The following AKNA variants were observed in gnomAD, a reference collection of about 807,000 sequenced individuals.
AKNA encodes AT-hook transcription factor, also known as microtubule organization protein AKNA.
Under a neutral mutation model 138.8 loss-of-function variants are expected in AKNA, and 67 were observed. The observed-to-expected ratio is 0.48, with a 90% confidence interval of 0.40 to 0.59. The LOEUF (loss-of-function observed/expected upper bound fraction) is 0.59. AKNA is among the 20% of genes least tolerant of loss of function. The pLI is 0.00. For missense variants in AKNA, 1,813 were observed against 1,880.4 expected (o/e 0.96, Z 0.66); for synonymous variants, 737 against 754.4 (o/e 0.98, Z 0.38).
rs1379625073 is a variant in AKNA at position 114,383,904 on chromosome 9, T to TCCCCGCCCAGTCTTCCTCTCTAC, written c.-113-2481_-113-2459dup. Among the ~76,000 whole-genome samples, 34 of 152,174 alleles carry TCCCCGCCCAGTCTTCCTCTCTAC rather than the reference T, an allele frequency of 2.2e-4. No homozygotes were observed. The East Asian group carries it at 6.0e-3, about 27-fold the overall frequency. The stretch of plus-strand genomic sequence containing the variant: ...GGGTGTTCGGGGCTTCTATCCTCTG[T>TCCCCGCCCAGTCTTCCTCTCTAC]CCCCGCCCAGTCTTCCTCTCTACCC... On this transcript the variant is annotated intron_variant, in intron 1 of 21. Coordinates refer to ENST00000374088, the MANE Select transcript of AKNA (RefSeq NM_001317950.2).
intron 7 of AKNA, among the ~76,000 whole-genome samples, chr9:114,363,752 G>A (rs1832139111): frequency 6.6e-6 from 1 of 152,114 alleles, no homozygotes; most frequent in South Asian, 2.1e-4. Context: ...TGGGAAGAGA[G>A]AGACTTGAGA....
chr9:114,373,970 G>A, intron 4 of AKNA, 123 bp downstream of exon 4: 1 of 998,062 alleles, frequency 1.0e-6, no homozygotes, highest in South Asian at 1.6e-5. Context: ...AAGAAAACTG[G>A]CGTTCCACTA....
intron 1 of AKNA, among the ~76,000 whole-genome samples, chr9:114,386,863 C>T (rs556069889): frequency 6.6e-6 from 1 of 152,240 alleles, no homozygotes; most frequent in East Asian, 1.9e-4. Context: ...CCAGGCTCTC[C>T]TTTGCCAGCA....
chr9:114,349,731 C>T (rs1830973431), intron 15 of AKNA, among the ~76,000 whole-genome samples: 1 of 152,196 alleles, frequency 6.6e-6, no homozygotes, highest in African/African-American at 2.4e-5. Context: ...CCATAGGTCT[C>T]TCCTCTCTAC....
At position 114,364,608 on chromosome 9, in the gene AKNA, A is replaced by G; in HGVS notation, c.1740T>C (p.Phe580=). 6.2e-7 allele frequency: 1 copy of G among 1,613,982 alleles called. No homozygotes were observed. Among genetic ancestry groups the G allele is most frequent in the Non-Finnish European group, 8.5e-7 (1 of 1,180,018 alleles). The stretch of plus-strand genomic sequence containing the variant: ...GACGTCCTGCCTGTATCAGTCTTTC[A>G]AAGGACTCCACCTGGACATTGGGAG... The part of the protein sequence containing the change: ...ASQFLAKVES[F]ERLIQAGRLM... The change falls in exon 7 of 22, where the codon TTT becomes TTC. Residue 580 remains phenylalanine (F), a synonymous_variant. Coordinates refer to ENST00000374088, the MANE Select transcript of AKNA (RefSeq NM_001317950.2).
chr9:114,359,714 C>G lies in AKNA; in HGVS notation c.2372G>C (p.Gly791Ala), dbSNP rs769970407. 5 of 1,610,230 alleles carry G rather than the reference C, an allele frequency of 3.1e-6. No homozygotes were observed. The highest frequency in any genetic ancestry group is 4.2e-6 in the Non-Finnish European group (5 of 1,177,876). ...EEGEEEEEEEGGGDSLEVDGV... is the reference protein window; with the variant it reads ...EEGEEEEEEEAGGDSLEVDGV... ...ATCAACTTCCAGGGAGTCACCTCCC[C>G]CCTCTTCCTCCTCCTCCTCCTCTCC... Residue 791 changes from glycine (G) to alanine (A), a missense_variant, in exon 11 of 22, where the codon GGG becomes GCG. Gly to Ala is a moderately conservative substitution (Grantham distance 60, BLOSUM62 0). Coordinates refer to ENST00000374088, the MANE Select transcript of AKNA (RefSeq NM_001317950.2).
rs1833266445 is a variant in AKNA at position 114,376,918 on chromosome 9, A to G, written c.889T>C (p.Trp297Arg). Reference sequence around the variant, plus strand: ...TTAGGTGACGTCTTTGTCTGCTTCCAGATGTGTTCCTTGGGCTGAGGGCAG... The same window carrying G: ...TTAGGTGACGTCTTTGTCTGCTTCCGGATGTGTTCCTTGGGCTGAGGGCAG... Reference protein sequence around the residue: ...FFCPQPKEHIWKQTKTSPKPL... With the variant: ...FFCPQPKEHIRKQTKTSPKPL... The change falls in exon 3 of 22, where the codon TGG (tryptophan) becomes CGG (arginine). Residue 297 changes from tryptophan (W) to arginine (R), a missense_variant. Transcript: ENST00000374088. The G allele has an allele frequency of 6.2e-7, 1 of 1,614,084 alleles. No homozygotes were observed. Among genetic ancestry groups the G allele is most frequent in the African/African-American group, 1.3e-5 (1 of 74,948 alleles).
chr9:114,339,050 T>C (rs1284199853), intron 21 of AKNA, among the ~76,000 whole-genome samples: 1 of 152,164 alleles, frequency 6.6e-6, no homozygotes, highest in Non-Finnish European at 1.5e-5. Flanking sequence ...CTCCTCAAAT[T>C]ACGATGGGGT....
At chr9:114,368,362 G>A in intron 5 of AKNA, 77 bp downstream of exon 5, 1 of 1,297,534 alleles carries the variant, frequency 7.7e-7, no homozygotes, top group Non-Finnish European at 9.8e-7. Flanking sequence ...CCATCCCCAG[G>A]GTGAACCAAG....
chr9:114,358,236 T>G, intron 11 of AKNA, 69 bp from the exon 12 acceptor site: 10 of 1,598,842 alleles, frequency 6.3e-6, no homozygotes, highest in Non-Finnish European at 8.5e-6. Context: ...TGGCCTGTCC[T>G]GGGAGCCAAG....
At chr9:114,347,667 A>C (rs1478106732) in intron 16 of AKNA, 57 bp downstream of exon 16, 5 of 1,455,480 alleles carry the variant, frequency 3.4e-6, no homozygotes, top group Non-Finnish European at 4.5e-6. Flanking sequence ...GAGGCCAGCC[A>C]AGACTATCTT....
In AKNA at chr9:114,347,749, C is replaced by T. The variant is rs747494693; in HGVS notation, c.3373G>A (p.Ala1125Thr). The change falls in exon 16 of 22, where the codon GCC becomes ACC. Residue 1125 changes from alanine to threonine, a missense_variant. Physicochemically the swap from Ala to Thr is moderately conservative, Grantham distance 58 (BLOSUM62 0). Transcript: ENST00000374088. The stretch of plus-strand genomic sequence containing the variant: ...CTGCCATAATGGGAGCCCCAGGTGG[C>T]TGGGGAGTCTGCTGGCCGGCCGCGG... ...RTRGRPADSP[A>T]TWGSHYGSKS... The T allele has an allele frequency of 3.6e-4, 547 of 1,537,486 alleles. No homozygotes were observed. The highest frequency in any genetic ancestry group is 9.3e-4 in the South Asian group (77 of 82,760).
chr9:114,372,182 G>A (rs771036061), intron 4 of AKNA, among the ~76,000 whole-genome samples: 3 of 152,206 alleles, frequency 2.0e-5, no homozygotes, highest in Non-Finnish European at 4.4e-5. Flanking sequence ...GAGGGGTTGG[G>A]GGAGGGAGCA....
intron 14 of AKNA, among the ~76,000 whole-genome samples, chr9:114,353,227 C>T (rs964246381): frequency 5.3e-5 from 8 of 151,418 alleles, no homozygotes; most frequent in Admixed American, 2.0e-4. Context: ...AAGGAGGTCG[C>T]CAAATATTCA....
chr9:114,393,899 G>T (rs918375241), intron 1 of AKNA, among the ~76,000 whole-genome samples: 1 of 152,126 alleles, frequency 6.6e-6, no homozygotes, highest in African/African-American at 2.4e-5. Context: ...CAGGCCATGC[G>T]CCGTGGCTCA....
Position 114,337,269 on chromosome 9 carries a change from C to A in AKNA, c.4105G>T (p.Ala1369Ser). ...GAGGCTGTGGGCGGCCACTTGGCAGCTGGTTGGGCTGAGGTAGGTCCTGCA... is the reference window on the plus strand; with the variant it reads ...GAGGCTGTGGGCGGCCACTTGGCAGATGGTTGGGCTGAGGTAGGTCCTGCA... Reference protein sequence around the residue: ...APAGPTSAQPAAKWPPTASPP... With the variant: ...APAGPTSAQPSAKWPPTASPP... The change falls in exon 22 of 22, where the codon GCT becomes TCT. Residue 1369 changes from alanine (A) to serine (S), a missense_variant. Physicochemically the swap from Ala to Ser is moderately conservative, Grantham distance 99. Coordinates refer to ENST00000374088, the MANE Select transcript of AKNA (RefSeq NM_001317950.2). 1 of 1,541,642 alleles carries A rather than the reference C, an allele frequency of 6.5e-7. No homozygotes were observed. Among genetic ancestry groups the A allele is most frequent in the Non-Finnish European group, 8.8e-7 (1 of 1,135,152 alleles).
At chr9:114,355,397 G>A (rs1038741302) in intron 14 of AKNA, among the ~76,000 whole-genome samples, 2 of 151,890 alleles carry the variant, frequency 1.3e-5, no homozygotes, top group African/African-American at 2.4e-5. Context: ...GGCTCGTCTC[G>A]AACTCCTGAC....
Position 114,368,585 on chromosome 9 carries a change from A to G in AKNA, c.1427T>C (p.Phe476Ser), listed in dbSNP as rs773824261. The change falls in exon 5 of 22, where the codon TTC becomes TCC. Residue 476 changes from phenylalanine to serine, a missense_variant. Transcript: ENST00000374088. ...QLRLGAKVNL[F>S]SDPPQPNHSI... Reference sequence around the variant, plus strand: ...GTGGTTGGGCTGGGGTGGGTCAGAGAACAGGTTCACCTGTGGAAGCAGGGA... The same window carrying G: ...GTGGTTGGGCTGGGGTGGGTCAGAGGACAGGTTCACCTGTGGAAGCAGGGA... The G allele has an allele frequency of 7.2e-7, 1 of 1,388,766 alleles. No homozygotes were observed. Among genetic ancestry groups the G allele is most frequent in the East Asian group, 2.7e-5 (1 of 36,404 alleles). 86.0% of individuals were successfully genotyped at this position (1,388,766 alleles called of 1,614,324 possible).
intron 3 of AKNA, among the ~76,000 whole-genome samples, chr9:114,375,740 G>T (rs1453837904): frequency 6.6e-6 from 1 of 151,972 alleles, no homozygotes; most frequent in Non-Finnish European, 1.5e-5. Flanking sequence ...GATGCGGGGG[G>T]TAGGTACATG....
Sources: gnomAD v4.1 joint callset for allele counts (sites outside exome capture counted in the v4.1 genomes callset) on GRCh38, gnomAD v4.1.1 for gene constraint, MANE v1.5 for transcripts, NCBI Gene and HGNC (gene_info 2026-07-23, HGNC 2026-07-21) for gene names.